The following GRIN2A variants were observed in gnomAD, a reference collection of about 807,000 sequenced individuals.
The protein encoded by GRIN2A is glutamate receptor ionotropic, NMDA 2A.
In GRIN2A, 22 loss-of-function variants were observed where a neutral mutation model predicts 113.4. That is an observed-to-expected ratio of 0.19 (90% CI 0.14 to 0.28). The LOEUF is 0.28. Among genes scored for constraint, GRIN2A ranks in the 10% least tolerant of loss-of-function variants. The pLI is 1.00. For missense variants in GRIN2A, 1,502 were observed against 1,887.0 expected (o/e 0.80, Z 3.78); for synonymous variants, 827 against 738.4 (o/e 1.12, Z -1.94).
chr16:10,016,552 G>A, intron 2 of GRIN2A, among the ~76,000 whole-genome samples: 1 of 152,146 alleles, frequency 6.6e-6, no homozygotes, highest in African/African-American at 2.4e-5. Flanking sequence ...GTGAGGGCAG[G>A]GAGCCCTGTG....
chr16:9,852,973 CAT>C (rs1369008256), intron 4 of GRIN2A, among the ~76,000 whole-genome samples: 1 of 152,164 alleles, frequency 6.6e-6, no homozygotes, highest in Non-Finnish European at 1.5e-5. Flanking sequence ...TGAGAAGACA[CAT>C]GAGTCAAATG....
At chr16:10,052,025 A>C (rs992895454) in intron 2 of GRIN2A, among the ~76,000 whole-genome samples, 3 of 152,228 alleles carry the variant, frequency 2.0e-5, no homozygotes, top group Non-Finnish European at 2.9e-5. Context: ...TGAAGACTTC[A>C]AGGGGGAAAC....
intron 2 of GRIN2A, among the ~76,000 whole-genome samples, chr16:10,025,863 A>T (rs190357433): frequency 7.2e-5 from 11 of 152,264 alleles, no homozygotes; most frequent in Admixed American, 2.0e-4. Flanking sequence ...CAGACTTTAG[A>T]CAGGATTGCA....
At chr16:9,871,065 A>G (rs1443283711) in intron 4 of GRIN2A, among the ~76,000 whole-genome samples, 1 of 151,722 alleles carries the variant, frequency 6.6e-6, no homozygotes, top group Non-Finnish European at 1.5e-5. Context: ...TTTTTTCCCT[A>G]TTACAGCCCA....
In GRIN2A at chr16:9,855,089, T is replaced by C. The variant is rs1026048197; in HGVS notation, c.1123-5128A>G. Among the ~76,000 whole-genome samples, 7 of 152,152 alleles carry C rather than the reference T, an allele frequency of 4.6e-5. No homozygotes were observed. The South Asian group carries it at 1.5e-3, about 32-fold the overall frequency. On this transcript the variant is annotated intron_variant, in intron 4 of 12. Transcript: ENST00000330684. ...ATTGAGTTTTCAGGCATCAACTTCATTGCTACAGAACCCCTCTCTTCTCTC... is the reference window on the plus strand; with the variant it reads ...ATTGAGTTTTCAGGCATCAACTTCACTGCTACAGAACCCCTCTCTTCTCTC...
In GRIN2A at chr16:10,180,373, C is replaced by T. The variant is rs776479105; in HGVS notation, c.39G>A (p.Pro13=). 8 of 1,607,986 alleles carry T rather than the reference C, an allele frequency of 5.0e-6. No individual in the cohort carries two copies. Among genetic ancestry groups the T allele is most frequent in the Non-Finnish European group, 5.9e-6 (7 of 1,179,858 alleles). ...CCGGACCGCGCCAGACCAGAAGGGC[C>T]GGCAGCACCAGCAGGGTCCAATAGC... ...RVGYWTLLVL[P]ALLVWRGPAP... is the part of the protein sequence containing the mutation. Residue 13 remains proline, a synonymous_variant, in exon 2 of 13, where the codon CCG becomes CCA. Transcript: ENST00000330684. The surrounding 1 kb of genome is among the most constrained non-coding windows in gnomAD (Gnocchi z 7.0).
intron 2 of GRIN2A, among the ~76,000 whole-genome samples, chr16:10,146,103 T>G (rs889531957): frequency 6.6e-6 from 1 of 152,144 alleles, no homozygotes; most frequent in Admixed American, 6.5e-5. Flanking sequence ...CGGATGCATA[T>G]CCACTCATCC....
intron 2 of GRIN2A, among the ~76,000 whole-genome samples, chr16:9,997,660 TC>T (rs1308504100): frequency 6.6e-6 from 1 of 152,170 alleles, no homozygotes; most frequent in Non-Finnish European, 1.5e-5. Flanking sequence ...TCTGGCTGTG[TC>T]CCCACCCAAA....
At chr16:10,115,841 C>T (rs1465104810) in intron 2 of GRIN2A, among the ~76,000 whole-genome samples, 2 of 151,934 alleles carry the variant, frequency 1.3e-5, no homozygotes, top group African/African-American at 4.8e-5. Context: ...TTAAGAATGA[C>T]CAGAAATAGA....
chr16:9,850,596 GAA>G (rs2042866266), intron 4 of GRIN2A, among the ~76,000 whole-genome samples: 1 of 152,170 alleles, frequency 6.6e-6, no homozygotes, highest in Non-Finnish European at 1.5e-5. Flanking sequence ...AGAGTGAAAA[GAA>G]GAGGAGTGGG....
At chr16:9,947,036 GA>G (rs983462662) in intron 2 of GRIN2A, among the ~76,000 whole-genome samples, 5 of 152,082 alleles carry the variant, frequency 3.3e-5, no homozygotes, top group Non-Finnish European at 7.4e-5. Flanking sequence ...CTTTGGCTAG[GA>G]AAAAAATAAT....
At chr16:10,018,061 C>T (rs905944531) in intron 2 of GRIN2A, among the ~76,000 whole-genome samples, 2 of 152,156 alleles carry the variant, frequency 1.3e-5, no homozygotes, top group Non-Finnish European at 2.9e-5. Flanking sequence ...CTTGTCCTGG[C>T]CCTGATACGT....
intron 3 of GRIN2A, among the ~76,000 whole-genome samples, chr16:9,922,744 T>C (rs1185129368): frequency 1.3e-5 from 2 of 152,220 alleles, no homozygotes; most frequent in African/African-American, 2.4e-5. Flanking sequence ...TTTATTCTTT[T>C]ACCCATAGGT....
intron 4 of GRIN2A, among the ~76,000 whole-genome samples, chr16:9,877,128 A>C (rs548688006): frequency 6.6e-6 from 1 of 152,284 alleles, no homozygotes; most frequent in Admixed American, 6.5e-5. Flanking sequence ...TCAGCTATTA[A>C]TTTTTTAAAA....
At chr16:10,167,186 T>G (rs1272247724) in intron 2 of GRIN2A, among the ~76,000 whole-genome samples, 3 of 152,180 alleles carry the variant, frequency 2.0e-5, no homozygotes, top group Non-Finnish European at 4.4e-5. Context: ...TCAGAGGGTC[T>G]GTGATCCCCT....
chr16:9,764,435 C>A lies in GRIN2A; in HGVS notation c.3109G>T (p.Ala1037Ser). The A allele has an allele frequency of 1.9e-6, 3 of 1,614,020 alleles. No individual in the cohort carries two copies. The East Asian group carries it at 6.7e-5, about 36-fold the overall frequency. Residue 1037 changes from alanine (A) to serine (S), a missense_variant, in exon 13 of 13, where the codon GCA (alanine) becomes TCA (serine). Ala to Ser is a moderately conservative substitution (Grantham distance 99, BLOSUM62 1). Around this residue, in one of 7 missense-constraint regions of GRIN2A, gnomAD observed 832 missense variants for 789.7 expected, o/e 1.05. Coordinates refer to ENST00000330684, the MANE Select transcript of GRIN2A (RefSeq NM_001134407.3). Reference protein sequence around the residue: ...SQNPVSQRDEATAENRTHSLK... With the variant: ...SQNPVSQRDESTAENRTHSLK... ...GAGTGGGTCCTATTCTCTGCTGTTG[C>A]CTCATCCCTCTGGGAGACTGGATTC...
At chr16:10,169,810 A>G (rs918946339) in intron 2 of GRIN2A, among the ~76,000 whole-genome samples, 1 of 152,220 alleles carries the variant, frequency 6.6e-6, no homozygotes, top group Non-Finnish European at 1.5e-5. Context: ...TAATGGAGCT[A>G]TCACCTCCCT....
At chr16:9,783,032 A>G (rs1902020065) in intron 11 of GRIN2A, among the ~76,000 whole-genome samples, 1 of 152,180 alleles carries the variant, frequency 6.6e-6, no homozygotes, top group African/African-American at 2.4e-5. Context: ...TTTGCCCTAG[A>G]CAGTTTTTGG....
At chr16:10,007,663 C>T (rs974065093) in intron 2 of GRIN2A, among the ~76,000 whole-genome samples, 1 of 151,796 alleles carries the variant, frequency 6.6e-6, no homozygotes, top group Non-Finnish European at 1.5e-5. Flanking sequence ...GCTTTGGTTG[C>T]CTGTGCTGTC....
Sources: allele counts gnomAD v4.1 joint callset (sites outside exome capture counted in the v4.1 genomes callset), GRCh38; gene constraint gnomAD v4.1.1; regional missense constraint gnomAD v4.1.1; non-coding constraint Gnocchi (gnomAD v3.1); transcripts MANE v1.5; gene names NCBI Gene and HGNC (gene_info 2026-07-23, HGNC 2026-07-21).